ZCWPW2: variants seen among roughly 807,000 people sequenced by gnomAD.
ZCWPW2 encodes the protein zinc finger CW-type PWWP domain protein 2.
Under a neutral mutation model 46.6 loss-of-function variants are expected in ZCWPW2, and 45 were observed. The ratio of observed to expected loss-of-function variants is 0.96; its 90% CI spans 0.76 to 1.24. The LOEUF is 1.24. Ranked by LOEUF, ZCWPW2 falls within the 50% of genes most tolerant of loss-of-function variation. The probability of loss-of-function intolerance (pLI) is 0.00; values close to 1 mark genes in which losing one functional copy is unlikely to be tolerated. For synonymous variants in ZCWPW2, 152 were observed against 137.1 expected (o/e 1.11, Z -0.76); for missense variants, 429 against 403.9 (o/e 1.06, Z -0.53).
intron 3 of ZCWPW2, among the ~76,000 whole-genome samples, chr3:28,424,218 G>A (rs1437917366): frequency 7.1e-6 from 1 of 140,634 alleles, no homozygotes; most frequent in Non-Finnish European, 1.5e-5. Flanking sequence ...GACTGTGGTG[G>A]TCTTATTCCA....
chr3:28,457,802 C>T (rs2125785519), intron 4 of ZCWPW2, among the ~76,000 whole-genome samples: 1 of 152,192 alleles, frequency 6.6e-6, no homozygotes, highest in Non-Finnish European at 1.5e-5. Flanking sequence ...AAATTCTACA[C>T]CTTGAAAGCA....
chr3:28,447,768 C>G, intron 4 of ZCWPW2: 1 of 717,464 alleles, frequency 1.4e-6, no homozygotes, highest in East Asian at 2.8e-5. Flanking sequence ...TCCTACAATA[C>G]AACCACTAAT....
At chr3:28,492,030 A>G in intron 5 of ZCWPW2, 97 bp from the exon 6 acceptor site, 1 of 1,207,178 alleles carries the variant, frequency 8.3e-7, no homozygotes. Flanking sequence ...TTACAATAGT[A>G]ATGAGAAAGT....
chr3:28,378,231 GTTAAATAT>G (rs929734866), intron 1 of ZCWPW2, among the ~76,000 whole-genome samples: 5 of 151,892 alleles, frequency 3.3e-5, no homozygotes, highest in African/African-American at 1.2e-4. Flanking sequence ...AACAGTGAAA[GTTAAATAT>G]ACATCATAGA....
In ZCWPW2 at chr3:28,521,088, A is replaced by C. The variant is rs773965353; in HGVS notation, c.881A>C (p.His294Pro). 9.3e-6 allele frequency: 15 copies of C among 1,606,110 alleles called. No homozygotes were observed. The South Asian group carries it at 1.7e-4, about 18-fold the overall frequency. Residue 294 changes from histidine to proline, a missense_variant, in exon 9 of 10, where the codon CAT becomes CCT. Transcript: ENST00000383768. ...ACACCTGATGAATCAGAAGAAGGAC[A>C]TGGAGAGGAAATAAATATGGGAGAA... The part of the protein sequence containing the change: ...TATPDESEEG[H>P]GEEINMGEKL...
intron 3 of ZCWPW2, among the ~76,000 whole-genome samples, chr3:28,426,145 A>G (rs1414018015): frequency 1.3e-5 from 2 of 151,782 alleles, no homozygotes; most frequent in Admixed American, 1.3e-4. Flanking sequence ...ATATGTATAT[A>G]TAGCATTTTG....
intron 4 of ZCWPW2, among the ~76,000 whole-genome samples, chr3:28,443,308 G>A (rs1257784524): frequency 1.3e-5 from 2 of 152,236 alleles, no homozygotes; most frequent in Non-Finnish European, 1.5e-5. Context: ...GTGGAAGAAA[G>A]GTTCACTGCA....
At chr3:28,513,103 G>A (rs991675985) in intron 6 of ZCWPW2, among the ~76,000 whole-genome samples, 3 of 152,240 alleles carry the variant, frequency 2.0e-5, no homozygotes, top group Non-Finnish European at 1.5e-5. Context: ...CTGACTTGTA[G>A]TGCCACAGTT....
intron 4 of ZCWPW2, among the ~76,000 whole-genome samples, chr3:28,435,732 C>A (rs552070049): frequency 1.3e-5 from 2 of 151,912 alleles, no homozygotes; most frequent in East Asian, 3.9e-4. Flanking sequence ...GTGATCAGCC[C>A]GCCCCGGCCT....
intron 1 of ZCWPW2, among the ~76,000 whole-genome samples, chr3:28,373,542 T>C (rs570251003): frequency 2.6e-4 from 39 of 151,962 alleles, no homozygotes; most frequent in Non-Finnish European, 5.3e-4. Flanking sequence ...TGGTGCAATC[T>C]CTGGCTCACT....
Position 28,393,843 on chromosome 3 carries a change from G to A in ZCWPW2, c.-14+3226G>A, listed in dbSNP as rs1366200535. ...TATGGCTAACATCATACTCAGTGGG[G>A]AAAGGTCTAACGTTTTTCTCTAACA... On this transcript the variant is annotated intron_variant, in intron 2 of 9. Coordinates refer to ENST00000383768, the MANE Select transcript of ZCWPW2 (RefSeq NM_001040432.4). 7.2e-5 allele frequency among the ~76,000 whole-genome samples: 11 copies of A among 152,188 alleles called. No homozygotes were observed. The East Asian group carries it at 2.1e-3, about 29-fold the overall frequency.
intron 1 of ZCWPW2, among the ~76,000 whole-genome samples, chr3:28,358,367 A>G (rs978955360): frequency 2.0e-5 from 3 of 152,084 alleles, no homozygotes; most frequent in Non-Finnish European, 4.4e-5. Context: ...ATATCTTTAC[A>G]CACTTAAAAG....
At chr3:28,388,213 A>G (rs1428414387) in intron 1 of ZCWPW2, among the ~76,000 whole-genome samples, 1 of 152,194 alleles carries the variant, frequency 6.6e-6, no homozygotes, top group Non-Finnish European at 1.5e-5. Context: ...CACTGATTTT[A>G]GTGCTAATCT....
At chr3:28,497,228 G>C (rs973305089) in intron 6 of ZCWPW2, among the ~76,000 whole-genome samples, 1 of 150,594 alleles carries the variant, frequency 6.6e-6, no homozygotes, top group Non-Finnish European at 1.5e-5. Context: ...TTGTGAACCA[G>C]AGATAATATT....
At chr3:28,380,019 G>C (rs1318008898) in intron 1 of ZCWPW2, among the ~76,000 whole-genome samples, 3 of 151,826 alleles carry the variant, frequency 2.0e-5, no homozygotes, top group Non-Finnish European at 2.9e-5. Flanking sequence ...GTCTAGCTCT[G>C]TCGCTCAGGC....
At chr3:28,356,182 G>A (rs1355418151) in intron 1 of ZCWPW2, among the ~76,000 whole-genome samples, 2 of 152,190 alleles carry the variant, frequency 1.3e-5, no homozygotes, top group Non-Finnish European at 2.9e-5. Context: ...TCATCAAAAA[G>A]TGGGCAAAGG....
intron 4 of ZCWPW2, among the ~76,000 whole-genome samples, chr3:28,463,254 T>C (rs1698708177): frequency 4.6e-5 from 7 of 152,178 alleles, no homozygotes; most frequent in Admixed American, 4.6e-4. Flanking sequence ...GTTGCCAAAG[T>C]AATATAAACA....
chr3:28,480,810 G>T (rs1036119631), intron 5 of ZCWPW2, among the ~76,000 whole-genome samples: 3 of 151,548 alleles, frequency 2.0e-5, no homozygotes, highest in African/African-American at 7.3e-5. Flanking sequence ...CATATGGCTA[G>T]CCAGTTCTCC....
At chr3:28,448,784 C>CAAAAAAAAAAAAAA (rs576935771) in intron 4 of ZCWPW2, among the ~76,000 whole-genome samples, 5 of 65,360 alleles carry the variant, frequency 7.6e-5, no homozygotes, top group Admixed American at 2.0e-4. Context: ...GACTCTGTCT[C>CAAAAAAAAAAAAAA]AAAAAAAAAA....
Sources: gnomAD v4.1 joint callset for allele counts (sites outside exome capture counted in the v4.1 genomes callset) on GRCh38, gnomAD v4.1.1 for gene constraint, MANE v1.5 for transcripts, NCBI Gene and HGNC (gene_info 2026-07-23, HGNC 2026-07-21) for gene names.